Variants in BMPER observed in about 807,000 individuals in gnomAD.
BMPER encodes the protein BMP binding endothelial regulator.
Under a neutral mutation model 87.3 loss-of-function variants are expected in BMPER, and 45 were observed. The observed-to-expected ratio is 0.52, with a 90% CI of 0.41 to 0.66. The LOEUF is 0.66. Among genes scored for constraint, BMPER ranks in the 30% least tolerant of loss-of-function variants. The pLI is 0.00. For synonymous variants in BMPER, 326 were observed against 316.2 expected, an observed-to-expected ratio of 1.03 and a Z score of -0.33; for missense variants, 784 against 867.5, an observed-to-expected ratio of 0.90 and a Z score of 1.21.
rs531399498 is a variant in BMPER, at chr7:34,114,218, G to A, written c.1745+28126G>A. Among the ~76,000 whole-genome samples the A allele has an allele frequency of 3.6e-4, 55 of 152,296 alleles. No homozygotes were observed. In the South Asian group the frequency reaches 0.011, roughly 30 times the overall value. ...GTTCACCTCCATCCCTGTGGGGGCC[G>A]AGTCCCCAGGAATTTAACCCTCAGA... On this transcript the variant is annotated intron_variant, in intron 13 of 14. Transcript: ENST00000649409.
At chr7:33,905,784 GCCGGTTTGGTACCTGGGAAA>G in intron 1 of BMPER, 38 bp downstream of exon 1, 9 of 1,559,820 alleles carry the variant, frequency 5.8e-6, no homozygotes, top group East Asian at 2.3e-5. Flanking sequence ...CCTCCGGGAC[GCCGGTTTGGTACCTGGGAAA>G]GGTGGCGCTG....
intron 14 of BMPER, among the ~76,000 whole-genome samples, chr7:34,144,529 C>T (rs375578170): frequency 2.6e-5 from 4 of 151,482 alleles, no homozygotes; most frequent in African/African-American, 9.7e-5. Flanking sequence ...TGGTGAAAAA[C>T]TGATGGTGGC....
chr7:33,970,179 C>G lies in BMPER; in HGVS notation c.403-150C>G. On this transcript the variant is annotated intron_variant, in intron 4 of 14. Coordinates refer to ENST00000649409, the MANE Select transcript of BMPER (RefSeq NM_001365308.1). The stretch of plus-strand genomic sequence containing the variant: ...TTGATTGGGGTGAGCCTGGATCTCA[C>G]CTCGTTGGTGTCTCATACCTCTCGC... 3 of 733,518 alleles carry G rather than the reference C, an allele frequency of 4.1e-6. No homozygotes were observed. In the South Asian group the frequency reaches 4.6e-5, roughly 11 times the overall value. 45.4% of individuals were successfully genotyped at this position (733,518 alleles called of 1,614,324 possible). A position where few individuals can be genotyped will look rare whatever the true frequency, so the allele number is the denominator to read the frequency against.
chr7:34,065,203 ACTCTCT>A (rs70997564), intron 11 of BMPER, among the ~76,000 whole-genome samples: 24,507 of 97,384 alleles, frequency 0.25, 2,584 homozygotes, highest in Admixed American at 0.39. Flanking sequence ...ATACACACTC[ACTCTCT>A]CTCTCTCTCT....
intron 6 of BMPER, among the ~76,000 whole-genome samples, chr7:33,999,280 A>G (rs1786512130): frequency 1.3e-5 from 2 of 152,248 alleles, no homozygotes; most frequent in African/African-American, 4.8e-5. Context: ...GGTGAATGAG[A>G]ACTTAGAATT....
chr7:33,914,491 TGTGG>T, intron 2 of BMPER, among the ~76,000 whole-genome samples: 1 of 151,962 alleles, frequency 6.6e-6, no homozygotes. Context: ...GACGGGGTCA[TGTGG>T]GTGGGTGGGT....
At chr7:33,918,639 C>T (rs1784141486) in intron 2 of BMPER, among the ~76,000 whole-genome samples, 1 of 152,228 alleles carries the variant, frequency 6.6e-6, no homozygotes, top group Non-Finnish European at 1.5e-5. Context: ...CAGATATTCT[C>T]TCACTTGGGA....
chr7:34,104,230 A>T lies in BMPER; in HGVS notation c.1745+18138A>T, dbSNP rs536022253. The stretch of plus-strand genomic sequence containing the variant: ...CCCCTTTCTCTCTAATGCTTCGGTT[A>T]TTCTGTTTTATGCACTAATTCCATT... On this transcript the variant is annotated intron_variant, in intron 13 of 14. Transcript: ENST00000649409. 7.9e-5 allele frequency among the ~76,000 whole-genome samples: 12 copies of T among 152,216 alleles called. No individual in the cohort carries two copies. In the East Asian group the frequency reaches 2.3e-3, roughly 29 times the overall value.
intron 6 of BMPER, among the ~76,000 whole-genome samples, chr7:34,044,904 C>T (rs944770951): frequency 3.3e-5 from 5 of 152,142 alleles, no homozygotes; most frequent in East Asian, 3.9e-4. Context: ...AAACAACAGG[C>T]GGCCACAGTG....
At chr7:33,938,758 G>A (rs761120393) in intron 3 of BMPER, among the ~76,000 whole-genome samples, 5 of 152,298 alleles carry the variant, frequency 3.3e-5, no homozygotes, top group African/African-American at 4.8e-5. Flanking sequence ...GGGCATGGTG[G>A]CTCACACCTG....
intron 3 of BMPER, among the ~76,000 whole-genome samples, chr7:33,951,497 T>C (rs13233238): frequency 0.33 from 49,441 of 152,060 alleles, 8,646 homozygotes; most frequent in African/African-American, 0.47. Flanking sequence ...TTGGACATTC[T>C]TTCCCGGCAT....
In BMPER at chr7:33,974,765, G is replaced by A. The variant is rs1206349400; in HGVS notation, c.557G>A (p.Cys186Tyr). The A allele has an allele frequency of 1.9e-6, 3 of 1,614,098 alleles. No individual in the cohort carries two copies. The highest frequency in any genetic ancestry group is 1.7e-6 in the Non-Finnish European group (2 of 1,179,978). The change falls in exon 6 of 15, where the codon TGT becomes TAT. Residue 186 changes from cysteine to tyrosine, a missense_variant. By Grantham distance (194) the Cys-to-Tyr change is radical. Transcript: ENST00000649409. ...GAATTTCAGCCAGAAGGAAGCAAAT[G>A]TACCAAGTGTTCCTGCACTGTAAGT... ...GEEFQPEGSK[C>Y]TKCSCTGGRT... is the part of the protein sequence containing the mutation.
chr7:33,969,627 C>A (rs1047930795), intron 4 of BMPER, among the ~76,000 whole-genome samples: 2 of 152,206 alleles, frequency 1.3e-5, no homozygotes, highest in Admixed American at 1.3e-4. Flanking sequence ...TCTCGATCTC[C>A]TGACTTCGTG....
chr7:33,970,091 C>T (rs369929337), intron 4 of BMPER, among the ~76,000 whole-genome samples: 1 of 152,188 alleles, frequency 6.6e-6, no homozygotes, highest in South Asian at 2.1e-4. Context: ...GAAATTAGGG[C>T]CAAAGAGAAA....
intron 13 of BMPER, among the ~76,000 whole-genome samples, chr7:34,124,458 T>C (rs1000464170): frequency 6.6e-6 from 1 of 152,082 alleles, no homozygotes; most frequent in African/African-American, 2.4e-5. Flanking sequence ...AGTTTTTTTT[T>C]TTTTTGTGAC....
At chr7:33,928,958 C>G (rs1784422394) in intron 2 of BMPER, among the ~76,000 whole-genome samples, 1 of 152,178 alleles carries the variant, frequency 6.6e-6, no homozygotes, top group East Asian at 1.9e-4. Flanking sequence ...CTTCTTTCCT[C>G]CACCCCCCTG....
At chr7:33,960,633 T>C (rs923784477) in intron 3 of BMPER, among the ~76,000 whole-genome samples, 5 of 152,170 alleles carry the variant, frequency 3.3e-5, no homozygotes. Flanking sequence ...AAACCAGTAG[T>C]TAGGGAACCA....
intron 13 of BMPER, among the ~76,000 whole-genome samples, chr7:34,122,704 C>T (rs987484648): frequency 1.3e-4 from 20 of 152,150 alleles, no homozygotes; most frequent in Admixed American, 1.2e-3. Context: ...AAAGGACAAT[C>T]GTGAGTCAAA....
intron 4 of BMPER, among the ~76,000 whole-genome samples, chr7:33,968,381 G>A (rs1785457113): frequency 6.6e-6 from 1 of 152,138 alleles, no homozygotes; most frequent in African/African-American, 2.4e-5. Context: ...CCTCATCTTG[G>A]AATGCAGGAA....
Sources: allele counts gnomAD v4.1 joint callset (sites outside exome capture counted in the v4.1 genomes callset), GRCh38; gene constraint gnomAD v4.1.1; transcripts MANE v1.5; gene names NCBI Gene and HGNC (gene_info 2026-07-23, HGNC 2026-07-21).